ARHGAP26: variants seen among roughly 807,000 people sequenced by gnomAD.
ARHGAP26 encodes the protein rho GTPase-activating protein 26.
In ARHGAP26, 38 loss-of-function variants were observed where a neutral mutation model predicts 104.8. The ratio of observed to expected loss-of-function variants is 0.36; its 90% confidence interval spans 0.28 to 0.48. The LOEUF (loss-of-function observed/expected upper bound fraction) is 0.48. Ranked by LOEUF, ARHGAP26 falls within the 20% of genes least tolerant of loss-of-function variation. The pLI is 0.99. For missense variants in ARHGAP26, 704 were observed against 947.9 expected, an observed-to-expected ratio of 0.74 and a Z score of 3.38; for synonymous variants, 341 against 340.0, an observed-to-expected ratio of 1.00 and a Z score of -0.03.
chr5:142,885,514 C>A, intron 5 of ARHGAP26, 115 bp downstream of exon 5: 1 of 826,030 alleles, frequency 1.2e-6, no homozygotes, highest in Non-Finnish European at 1.9e-6. Flanking sequence ...CCTGGGAAGC[C>A]AGGAGATTGC....
chr5:143,107,987 G>A (rs1460398160), intron 17 of ARHGAP26, among the ~76,000 whole-genome samples: 1 of 152,150 alleles, frequency 6.6e-6, no homozygotes, highest in African/African-American at 2.4e-5. Context: ...TATAACAGAA[G>A]GGTTTGTGTG....
intron 1 of ARHGAP26, among the ~76,000 whole-genome samples, chr5:142,846,243 A>G (rs2152228744): frequency 6.6e-6 from 1 of 152,236 alleles, no homozygotes; most frequent in Non-Finnish European, 1.5e-5. Flanking sequence ...TGGTTCTGGT[A>G]TTATCTCACG....
intron 11 of ARHGAP26, among the ~76,000 whole-genome samples, chr5:143,012,605 A>G (rs1292428066): frequency 3.5e-5 from 4 of 113,236 alleles, no homozygotes; most frequent in African/African-American, 9.3e-5. Context: ...ATGCCTTTCT[A>G]TACCTACAGA....
rs746456704 is a variant in ARHGAP26, at chr5:143,041,874, G to A, written c.1269G>A (p.Leu423=). The part of the protein sequence containing the change: ...IVGVNSRVQK[L]LSVLMDPKTA... ...GTGTCAACTCCAGAGTGCAGAAGTT[G>A]CTGAGTGTCCTGATGGGTGAGTGCC... The change falls in exon 14 of 23, where the codon TTG becomes TTA. Residue 423 remains leucine (L), a synonymous_variant. Transcript: ENST00000645722. 1.9e-6 allele frequency: 3 copies of A among 1,595,776 alleles called. No individual in the cohort carries two copies. In the South Asian group the frequency reaches 3.4e-5, roughly 18 times the overall value.
chr5:143,041,730 A>AT, intron 13 of ARHGAP26, 86 bp from the exon 14 acceptor site: 1 of 1,061,046 alleles, frequency 9.4e-7, no homozygotes, highest in Non-Finnish European at 1.4e-6. Context: ...ATGAAAAAAA[A>AT]AAAAAAAAAA....
At chr5:142,883,728 C>G (rs1340592638) in intron 4 of ARHGAP26, among the ~76,000 whole-genome samples, 6 of 152,346 alleles carry the variant, frequency 3.9e-5, no homozygotes, top group Admixed American at 3.9e-4. Context: ...CTCACATCTC[C>G]CTTCCCCAAA....
At chr5:143,132,395 G>A (rs1339047760) in intron 18 of ARHGAP26, among the ~76,000 whole-genome samples, 5 of 151,270 alleles carry the variant, frequency 3.3e-5, no homozygotes, top group Admixed American at 3.3e-4. Flanking sequence ...AGACACATCA[G>A]AGACTGTTAG....
At chr5:143,096,093 A>T (rs1358843789) in intron 17 of ARHGAP26, among the ~76,000 whole-genome samples, 1 of 152,228 alleles carries the variant, frequency 6.6e-6, no homozygotes, top group African/African-American at 2.4e-5. Context: ...ATGCAGTTAC[A>T]TTAAGATCTA....
intron 1 of ARHGAP26, among the ~76,000 whole-genome samples, chr5:142,839,790 A>G (rs1484687610): frequency 2.6e-5 from 4 of 152,106 alleles, no homozygotes; most frequent in Non-Finnish European, 4.4e-5. Flanking sequence ...CAGCTGGCCG[A>G]AGAGCTTGAC....
intron 4 of ARHGAP26, 65 bp downstream of exon 4, chr5:142,879,510 C>A: frequency 7.1e-7 from 1 of 1,405,828 alleles, no homozygotes; most frequent in Non-Finnish European, 9.7e-7. Context: ...TAGCACCTTT[C>A]TTTAAAACAA....
In ARHGAP26 at chr5:143,012,540, T is replaced by TATATATACATACATACATAC. The variant is rs1158338407; in HGVS notation, c.1108-1537_1108-1536insTATACATACATACATACATA. ...TAGAGTCACTGGAGGGATATATTTA[T>TATATATACATACATACATAC]ATACATACATACATATATATATATA... is the stretch of plus-strand genomic sequence containing the variant. On this transcript the variant is annotated intron_variant, in intron 11 of 22. Coordinates refer to ENST00000645722, the MANE Select transcript of ARHGAP26 (RefSeq NM_001135608.3). Among the ~76,000 whole-genome samples, 9 of 41,066 alleles carry TATATATACATACATACATAC rather than the reference T, an allele frequency of 2.2e-4. 1 individual carries two copies. Among genetic ancestry groups the TATATATACATACATACATAC allele is most frequent in the African/African-American group, 7.1e-4 (9 of 12,706 alleles). The allele number at this position is 41,066 out of a possible 152,430, so 26.9% of individuals were successfully genotyped here.
At chr5:142,977,403 A>T (rs927620154) in intron 11 of ARHGAP26, among the ~76,000 whole-genome samples, 1 of 152,146 alleles carries the variant, frequency 6.6e-6, no homozygotes, top group Non-Finnish European at 1.5e-5. Flanking sequence ...ACAGAGGGCC[A>T]TCAATTAACC....
intron 1 of ARHGAP26, among the ~76,000 whole-genome samples, chr5:142,854,908 C>T (rs1238190757): frequency 6.6e-6 from 1 of 152,100 alleles, no homozygotes; most frequent in Non-Finnish European, 1.5e-5. Flanking sequence ...ATGGAAGGGG[C>T]TTTAACTGGA....
intron 10 of ARHGAP26, among the ~76,000 whole-genome samples, chr5:142,920,524 A>C (rs1562082673): frequency 6.6e-6 from 1 of 152,198 alleles, no homozygotes; most frequent in Admixed American, 6.5e-5. Flanking sequence ...TGAATCAATA[A>C]AGTCTCTTGA....
intron 20 of ARHGAP26, among the ~76,000 whole-genome samples, chr5:143,185,206 G>A (rs1391979903): frequency 1.3e-5 from 2 of 152,136 alleles, no homozygotes; most frequent in Admixed American, 1.3e-4. Flanking sequence ...AAATTATGGT[G>A]TCATTTTAAT....
chr5:143,042,154 A>C (rs1161730405), intron 14 of ARHGAP26, among the ~76,000 whole-genome samples: 2 of 152,192 alleles, frequency 1.3e-5, no homozygotes, highest in Non-Finnish European at 2.9e-5. Context: ...GCTCTGGTCC[A>C]AGTGGCACTC....
Position 143,227,634 on chromosome 5 carries a change from A to G in ARHGAP26, c.*5188A>G, listed in dbSNP as rs560914958. The G allele has an allele frequency of 1.7e-5, 4 of 229,540 alleles. No homozygotes were observed. The highest frequency in any genetic ancestry group is 6.6e-5 in the African/African-American group (3 of 45,268). The allele number at this position is 229,540 out of a possible 1,614,324, so 14.2% of individuals were successfully genotyped here. On this transcript the variant is annotated 3_prime_UTR_variant, in exon 23 of 23. Transcript: ENST00000645722. ...CTCCTGCCGCCTACAGTACCTGTCT[A>G]ACTAAAGAGCTTCCCAAAGTGGAGG...
In ARHGAP26 at chr5:142,894,316, C is replaced by T; in HGVS notation, c.565C>T (p.Gln189Ter). Reference sequence around the variant, plus strand: ...ATATGTCTTCAAGGTGCAGGAAGTCCAAGAGAGAAAGATGTTTGAGTTTGT... The same window carrying T: ...ATATGTCTTCAAGGTGCAGGAAGTCTAAGAGAGAAAGATGTTTGAGTTTGT... ...LEYVFKVQEV[Q>*]ERKMFEFVEP... The change falls in exon 6 of 23, where the codon CAA becomes TAA. Residue 189 changes from glutamine to a stop codon, truncating the protein, a stop_gained. Transcript: ENST00000645722. LOFTEE classifies it high-confidence loss of function. The T allele has an allele frequency of 6.2e-7, 1 of 1,613,948 alleles. No homozygotes were observed. The highest frequency in any genetic ancestry group is 8.5e-7 in the Non-Finnish European group (1 of 1,179,932).
chr5:142,883,475 A>C (rs1000682970), intron 4 of ARHGAP26, among the ~76,000 whole-genome samples: 3 of 152,378 alleles, frequency 2.0e-5, no homozygotes, highest in African/African-American at 4.8e-5. Context: ...GTATGTGAAC[A>C]GTCTTTTAAG....
Sources: allele counts gnomAD v4.1 joint callset (sites outside exome capture counted in the v4.1 genomes callset), GRCh38; gene constraint gnomAD v4.1.1; transcripts MANE v1.5; gene names NCBI Gene and HGNC (gene_info 2026-07-23, HGNC 2026-07-21).